Variants in EIF2AK3 observed in about 807,000 individuals in gnomAD.
EIF2AK3 encodes the protein eukaryotic translation initiation factor 2-alpha kinase 3.
In EIF2AK3, 50 loss-of-function variants were observed where a neutral mutation model predicts 113.5. The observed-to-expected ratio is 0.44, with a 90% CI of 0.35 to 0.56. EIF2AK3 has a LOEUF of 0.56. Ranked by LOEUF, EIF2AK3 falls within the 20% of genes least tolerant of loss-of-function variation. The probability of loss-of-function intolerance (pLI) is 0.00; values close to 1 mark genes in which losing one functional copy is unlikely to be tolerated. For missense variants in EIF2AK3, 1,185 were observed against 1,378.0 expected (o/e 0.86, Z 2.22); for synonymous variants, 448 against 495.4 (o/e 0.90, Z 1.27).
chr2:88,585,937 A>T lies in EIF2AK3; in HGVS notation c.1554T>A (p.Leu518=). 1 of 1,614,166 alleles carries T rather than the reference A, an allele frequency of 6.2e-7. No individual in the cohort carries two copies. Among genetic ancestry groups the T allele is most frequent in the Non-Finnish European group, 8.5e-7 (1 of 1,179,996 alleles). The change falls in exon 9 of 17, where the codon CTT becomes CTA. Residue 518 remains leucine (L), a synonymous_variant. Transcript: ENST00000303236. ...CAACTATTTCTTTCCACCAGTGTAA[A>T]AGAAGAACAGGATCCTTTTTGCGGA... is the stretch of plus-strand genomic sequence containing the variant. ...KNIRKKDPVL[L]LHWWKEIVAT...
rs768435755 is a variant in EIF2AK3 at position 88,557,804 on chromosome 2, A to T, written c.3283T>A (p.Leu1095Met). Reference protein sequence around the residue: ...KTVLRQRSRSLSSSGTKHSRQ... With the variant: ...KTVLRQRSRSMSSSGTKHSRQ... ...GAATGTTTTGTTCCCGATGAACTCA[A>T]GGAGCGAGACCTCTGTCTGAGCACT... is the stretch of plus-strand genomic sequence containing the variant. The change falls in exon 17 of 17, where the codon TTG (leucine) becomes ATG (methionine). Residue 1095 changes from leucine (L) to methionine (M), a missense_variant. Leu to Met is a conservative substitution (Grantham distance 15, BLOSUM62 2). This residue lies in a region of EIF2AK3 where 877 missense variants were observed against 1,024.2 expected (regional missense o/e 0.86). Transcript: ENST00000303236. 1 of 1,614,174 alleles carries T rather than the reference A, an allele frequency of 6.2e-7. No individual in the cohort carries two copies. The highest frequency in any genetic ancestry group is 1.1e-5 in the South Asian group (1 of 91,082).
At chr2:88,583,579 A>G (rs748711595) in intron 9 of EIF2AK3, 37 bp from the exon 10 acceptor site, 3 of 1,454,790 alleles carry the variant, frequency 2.1e-6, no homozygotes, top group Non-Finnish European at 2.9e-6. Context: ...ACCAGTACAA[A>G]GCTGAACTGA....
chr2:88,622,065 T>G (rs1367618908), intron 1 of EIF2AK3, among the ~76,000 whole-genome samples: 1 of 151,996 alleles, frequency 6.6e-6, no homozygotes, highest in Non-Finnish European at 1.5e-5. Context: ...CCTGGCTAAT[T>G]TTTGTATTTT....
chr2:88,616,786 A>G (rs1675578260), intron 1 of EIF2AK3, among the ~76,000 whole-genome samples: 1 of 152,192 alleles, frequency 6.6e-6, no homozygotes, highest in South Asian at 2.1e-4. Context: ...ATGTGTATTT[A>G]TCAGCTTTAA....
intron 3 of EIF2AK3, among the ~76,000 whole-genome samples, chr2:88,593,679 G>A (rs760375667): frequency 6.6e-6 from 1 of 152,016 alleles, no homozygotes; most frequent in Non-Finnish European, 1.5e-5. Context: ...GAATATACAA[G>A]AAGAAATGGA....
chr2:88,616,216 C>T, intron 1 of EIF2AK3, among the ~76,000 whole-genome samples: 1 of 152,258 alleles, frequency 6.6e-6, no homozygotes, highest in South Asian at 2.1e-4. Flanking sequence ...GGCCTCTCCC[C>T]TGAACTGCAG....
chr2:88,627,483 T>G (rs1421947380), upstream of EIF2AK3: 2 of 542,180 alleles, frequency 3.7e-6, no homozygotes, highest in East Asian at 7.3e-5. Context: ...CATCGCCCAT[T>G]GAGCAAACTT....
chr2:88,595,632 A>C lies in EIF2AK3; in HGVS notation c.470T>G (p.Leu157Arg), dbSNP rs754542348. 6.8e-6 allele frequency: 11 copies of C among 1,613,934 alleles called. No individual in the cohort carries two copies. In the South Asian group the frequency reaches 1.2e-4, roughly 18 times the overall value. Residue 157 changes from leucine (L) to arginine (R), a missense_variant, in exon 3 of 17, where the codon CTG becomes CGG. Around this residue, in one of 3 missense-constraint regions of EIF2AK3, gnomAD observed 119 missense variants for 178.7 expected, o/e 0.67. Coordinates refer to ENST00000303236, the MANE Select transcript of EIF2AK3 (RefSeq NM_004836.7). ...GTCCCACTGGAAGAGGGCTCCATCC[A>C]GGGAAGGAATGATCATCTTATTCCC... ...VFGNKMIIPS[L>R]DGALFQWDQD...
rs939345828 is a variant in EIF2AK3, at chr2:88,557,636, C to T, written c.*100G>A. ...AAAAGTAGTCCACAAAAAAATTGAGCGAAGAACAAACTTTTCAAGTCTGCA... is the reference window on the plus strand; with the variant it reads ...AAAAGTAGTCCACAAAAAAATTGAGTGAAGAACAAACTTTTCAAGTCTGCA... On this transcript the variant is annotated 3_prime_UTR_variant, in exon 17 of 17. Transcript: ENST00000303236. 1.4e-5 allele frequency: 19 copies of T among 1,343,096 alleles called. No homozygotes were observed. The highest frequency in any genetic ancestry group is 2.4e-5 in the South Asian group (2 of 84,560). 83.2% of individuals were successfully genotyped at this position (1,343,096 alleles called of 1,614,324 possible).
At chr2:88,583,678 A>G (rs1297461835) in intron 9 of EIF2AK3, 136 bp from the exon 10 acceptor site, 2 of 697,490 alleles carry the variant, frequency 2.9e-6, no homozygotes, top group Non-Finnish European at 5.0e-6. Context: ...ATGAAAACAA[A>G]GTGCAGCATT....
At chr2:88,577,815 G>A (rs926326487) in intron 11 of EIF2AK3, among the ~76,000 whole-genome samples, 1 of 152,038 alleles carries the variant, frequency 6.6e-6, no homozygotes, top group Middle Eastern at 3.2e-3. Context: ...CATGCACTTG[G>A]CCATCCCTCC....
At chr2:88,582,188 A>T (rs1385074650) in intron 10 of EIF2AK3, among the ~76,000 whole-genome samples, 1 of 152,214 alleles carries the variant, frequency 6.6e-6, no homozygotes, top group African/African-American at 2.4e-5. Context: ...CATGCCTTCC[A>T]ATCAACAAAG....
chr2:88,575,467 A>G (rs1674434434), intron 12 of EIF2AK3, 21 bp from the exon 13 acceptor site: 1 of 1,601,536 alleles, frequency 6.2e-7, no homozygotes. Context: ...GAGAAATACA[A>G]AGGGGTAAGA....
intron 2 of EIF2AK3, among the ~76,000 whole-genome samples, chr2:88,605,997 GAT>G (rs1364222122): frequency 6.6e-6 from 1 of 152,122 alleles, no homozygotes; most frequent in Non-Finnish European, 1.5e-5. Flanking sequence ...CATCCCAAGT[GAT>G]ATGCTATATG....
intron 14 of EIF2AK3, among the ~76,000 whole-genome samples, chr2:88,566,814 G>A (rs1235140690): frequency 2.0e-5 from 3 of 152,072 alleles, no homozygotes; most frequent in Non-Finnish European, 4.4e-5. Context: ...TGAGCATGGC[G>A]GTGTGGACCT....
intron 6 of EIF2AK3, 116 bp downstream of exon 6, chr2:88,590,326 AG>A: frequency 2.0e-6 from 2 of 1,008,756 alleles, no homozygotes; most frequent in Non-Finnish European, 3.1e-6. Context: ...AACGTACATC[AG>A]AGATGATATT....
chr2:88,623,857 G>A (rs532779952), intron 1 of EIF2AK3, among the ~76,000 whole-genome samples: 31 of 152,184 alleles, frequency 2.0e-4, no homozygotes, highest in African/African-American at 7.2e-4. Flanking sequence ...AGGCAATTCT[G>A]TTTGGTGATC....
At chr2:88,609,552 TTTA>T (rs1675378153) in intron 2 of EIF2AK3, among the ~76,000 whole-genome samples, 2 of 152,246 alleles carry the variant, frequency 1.3e-5, no homozygotes, top group African/African-American at 4.8e-5. Flanking sequence ...AACACATCTT[TTTA>T]TTATTCTGCA....
At chr2:88,605,710 T>C (rs1052147922) in intron 2 of EIF2AK3, among the ~76,000 whole-genome samples, 8 of 152,084 alleles carry the variant, frequency 5.3e-5, no homozygotes, top group Admixed American at 2.6e-4. Flanking sequence ...AAATCTTAAT[T>C]AACCAAAATG....
Sources: gnomAD v4.1 joint callset for allele counts (sites outside exome capture counted in the v4.1 genomes callset) on GRCh38, gnomAD v4.1.1 for gene constraint, gnomAD v4.1.1 regional missense constraint, MANE v1.5 for transcripts, NCBI Gene and HGNC (gene_info 2026-07-23, HGNC 2026-07-21) for gene names.